PDGFC: variants seen among roughly 807,000 people sequenced by gnomAD.
PDGFC encodes the protein platelet derived growth factor C.
A neutral mutation model predicts 35.5 loss-of-function variants in PDGFC; 12 were observed. That is an observed-to-expected ratio of 0.34 (90% CI 0.22 to 0.55). The LOEUF is 0.55. Among genes scored for constraint, PDGFC ranks in the 20% least tolerant of loss-of-function variants. PDGFC has a pLI of 0.91. For missense variants in PDGFC, 322 were observed against 412.4 expected (o/e 0.78, Z 1.90); for synonymous variants, 159 against 148.8 (o/e 1.07, Z -0.50).
intron 1 of PDGFC, among the ~76,000 whole-genome samples, chr4:156,943,498 T>C (rs911817885): frequency 4.6e-5 from 7 of 152,094 alleles, no homozygotes; most frequent in African/African-American, 1.4e-4. Context: ...AGGATTCAAA[T>C]GCACTTTCAA....
chr4:156,908,891 T>C (rs1009053744), intron 1 of PDGFC, among the ~76,000 whole-genome samples: 2 of 152,158 alleles, frequency 1.3e-5, no homozygotes, highest in African/African-American at 2.4e-5. Context: ...CAAGAAACTA[T>C]TATTCAGCCA....
intron 1 of PDGFC, among the ~76,000 whole-genome samples, chr4:156,895,372 T>C (rs897116536): frequency 6.6e-6 from 1 of 152,156 alleles, no homozygotes; most frequent in East Asian, 1.9e-4. Context: ...CAGTGGCTCA[T>C]ACCTGTAATC....
intron 1 of PDGFC, among the ~76,000 whole-genome samples, chr4:156,928,981 A>G (rs369834870): frequency 6.6e-6 from 1 of 151,454 alleles, no homozygotes; most frequent in Non-Finnish European, 1.5e-5. Flanking sequence ...AAGAAATGAT[A>G]AAGAGTATGC....
Position 156,811,362 on chromosome 4 carries a change from A to G in PDGFC, c.315-345T>C, listed in dbSNP as rs891100894. Among the ~76,000 whole-genome samples, 7 of 152,164 alleles carry G rather than the reference A, an allele frequency of 4.6e-5. No individual in the cohort carries two copies. In the East Asian group the frequency reaches 1.4e-3, roughly 29 times the overall value. ...ATTTTCATTTGGACATGACAGTGTG[A>G]CTCCACTCTTAATTCCTATTATTAC... On this transcript the variant is annotated intron_variant, in intron 2 of 5. Transcript: ENST00000502773.
At chr4:156,771,482 T>C (rs1730691882) in intron 4 of PDGFC, among the ~76,000 whole-genome samples, 1 of 152,128 alleles carries the variant, frequency 6.6e-6, no homozygotes, top group African/African-American at 2.4e-5. Flanking sequence ...TTCATCAAGA[T>C]CAAATCTTAT....
intron 2 of PDGFC, among the ~76,000 whole-genome samples, chr4:156,830,249 T>TAA (rs59515143): frequency 1.3e-4 from 18 of 142,612 alleles, no homozygotes; most frequent in Admixed American, 1.4e-4. Context: ...GGAATTGCAT[T>TAA]AAAAAAAAAA....
chr4:156,838,187 C>T (rs569348918), intron 2 of PDGFC, among the ~76,000 whole-genome samples: 4 of 152,310 alleles, frequency 2.6e-5, no homozygotes, highest in Admixed American at 2.0e-4. Context: ...CTTATCTGTC[C>T]TAAGCACCAA....
intron 1 of PDGFC, among the ~76,000 whole-genome samples, chr4:156,891,122 C>T (rs1392197659): frequency 6.6e-6 from 1 of 151,616 alleles, no homozygotes; most frequent in Non-Finnish European, 1.5e-5. Flanking sequence ...AAACTAAATA[C>T]TGTAGGCAAC....
intron 1 of PDGFC, among the ~76,000 whole-genome samples, chr4:156,930,593 C>T (rs942348161): frequency 3.3e-5 from 5 of 152,302 alleles, no homozygotes; most frequent in South Asian, 4.2e-4. Flanking sequence ...TTAGGCCGGG[C>T]GCAGCGTCTC....
intron 1 of PDGFC, among the ~76,000 whole-genome samples, chr4:156,867,669 T>C (rs999496570): frequency 1.3e-5 from 2 of 152,156 alleles, no homozygotes; most frequent in Non-Finnish European, 2.9e-5. Flanking sequence ...CACAACCTCA[T>C]GAGCTTCATA....
chr4:156,892,990 C>A (rs1730549076), intron 1 of PDGFC, among the ~76,000 whole-genome samples: 2 of 152,158 alleles, frequency 1.3e-5, no homozygotes, highest in Non-Finnish European at 2.9e-5. Context: ...TCACTATCCA[C>A]CCCTACCACA....
At chr4:156,967,032 T>C (rs1339300642) in intron 1 of PDGFC, among the ~76,000 whole-genome samples, 1 of 151,646 alleles carries the variant, frequency 6.6e-6, no homozygotes, top group East Asian at 1.9e-4. Flanking sequence ...TTTTCTTTTT[T>C]TTTTTTTTTG....
intron 2 of PDGFC, among the ~76,000 whole-genome samples, chr4:156,823,948 A>G (rs1732345637): frequency 6.6e-6 from 1 of 152,152 alleles, no homozygotes. Flanking sequence ...ACGGAACAGG[A>G]CATTATGCAA....
chr4:156,783,195 A>G (rs935823894), intron 3 of PDGFC, among the ~76,000 whole-genome samples: 1 of 152,154 alleles, frequency 6.6e-6, no homozygotes, highest in African/African-American at 2.4e-5. Flanking sequence ...AAGCATTGCT[A>G]TTAGGGGGAG....
chr4:156,815,790 A>T (rs1285940137), intron 2 of PDGFC, among the ~76,000 whole-genome samples: 1 of 152,156 alleles, frequency 6.6e-6, no homozygotes, highest in Non-Finnish European at 1.5e-5. Context: ...AATGTGCACA[A>T]TTGGCCACGT....
intron 1 of PDGFC, among the ~76,000 whole-genome samples, chr4:156,895,836 A>G (rs1283286466): frequency 6.6e-6 from 1 of 152,154 alleles, no homozygotes; most frequent in Non-Finnish European, 1.5e-5. Context: ...TTAAGAATGA[A>G]ATGCCAAAAC....
chr4:156,919,264 C>T (rs1731219482), intron 1 of PDGFC, among the ~76,000 whole-genome samples: 1 of 152,170 alleles, frequency 6.6e-6, no homozygotes, highest in African/African-American at 2.4e-5. Context: ...CAACGGAATA[C>T]AGGAAAATGC....
rs1295866378 is a variant in PDGFC, at chr4:156,850,303, C to T, written c.232G>A (p.Val78Ile). 6.2e-7 allele frequency: 1 copy of T among 1,611,244 alleles called. No homozygotes were observed. The highest frequency in any genetic ancestry group is 8.5e-7 in the Non-Finnish European group (1 of 1,178,054). The change falls in exon 2 of 6, where the codon GTA becomes ATA. Residue 78 changes from valine (V) to isoleucine (I), a missense_variant. Physicochemically the swap from Val to Ile is conservative, Grantham distance 29. This residue lies in a region of PDGFC where 120 missense variants were observed against 116.6 expected (regional missense o/e 1.03). Coordinates refer to ENST00000502773, the MANE Select transcript of PDGFC (RefSeq NM_016205.3). ...PRNTVLVWRL[V>I]AVEENVWIQL... The stretch of plus-strand genomic sequence containing the variant: ...ATCCATACATTTTCCTCTACTGCTA[C>T]TAATCTCCATACCAAGACCGTATTT...
intron 2 of PDGFC, among the ~76,000 whole-genome samples, chr4:156,840,291 C>A (rs1175035776): frequency 2.0e-5 from 3 of 152,176 alleles, no homozygotes; most frequent in Non-Finnish European, 4.4e-5. Context: ...CCCTGAATCC[C>A]AGCAGCTCCA....
Sources: allele counts gnomAD v4.1 joint callset (sites outside exome capture counted in the v4.1 genomes callset), GRCh38; gene constraint gnomAD v4.1.1; regional missense constraint gnomAD v4.1.1; transcripts MANE v1.5; gene names NCBI Gene and HGNC (gene_info 2026-07-23, HGNC 2026-07-21).